MLLT10: variants seen among roughly 807,000 people sequenced by gnomAD.
MLLT10 encodes MLLT10 histone lysine methyltransferase DOT1L cofactor.
A neutral mutation model predicts 129.1 loss-of-function variants in MLLT10; 30 were observed. That is an observed-to-expected ratio of 0.23 (90% CI 0.17 to 0.32). The LOEUF (loss-of-function observed/expected upper bound fraction) is 0.32, where lower values mean the gene tolerates loss of function less well. MLLT10 is among the 10% of genes least tolerant of loss of function. The pLI is 1.00. For synonymous variants in MLLT10, 490 were observed against 446.4 expected, an observed-to-expected ratio of 1.10 and a Z score of -1.23; for missense variants, 1,119 against 1,268.3, an observed-to-expected ratio of 0.88 and a Z score of 1.79.
At chr10:21,701,209 CTT>C (rs78462656) in intron 13 of MLLT10, among the ~76,000 whole-genome samples, 6 of 148,326 alleles carry the variant, frequency 4.0e-5, no homozygotes, top group Admixed American at 3.4e-4. Flanking sequence ...GTTCTTACCT[CTT>C]TTTTTTGCCT....
intron 11 of MLLT10, 125 bp from the exon 12 acceptor site, chr10:21,681,207 T>C: frequency 8.3e-7 from 1 of 1,200,734 alleles, no homozygotes; most frequent in East Asian, 2.4e-5. Context: ...TTTTTGAAGT[T>C]CTAGGTGGCC....
At chr10:21,674,909 A>T (rs945298567) in intron 11 of MLLT10, among the ~76,000 whole-genome samples, 1 of 152,222 alleles carries the variant, frequency 6.6e-6, no homozygotes, top group East Asian at 1.9e-4. Context: ...TGTTTATTTT[A>T]TAAATACAAA....
intron 8 of MLLT10, among the ~76,000 whole-genome samples, chr10:21,640,294 TATATA>T (rs1269437273): frequency 7.0e-6 from 1 of 143,772 alleles, no homozygotes; most frequent in Non-Finnish European, 1.5e-5. Flanking sequence ...TAATATATAT[TATATA>T]ATATATATGT....
intron 21 of MLLT10, among the ~76,000 whole-genome samples, chr10:21,738,967 C>G (rs922847548): frequency 6.6e-6 from 1 of 152,162 alleles, no homozygotes; most frequent in Non-Finnish European, 1.5e-5. Context: ...GCTGCTCACT[C>G]AGTAGCTCCG....
At chr10:21,701,307 G>A (rs2054886090) in intron 13 of MLLT10, among the ~76,000 whole-genome samples, 1 of 147,070 alleles carries the variant, frequency 6.8e-6, no homozygotes, top group Admixed American at 6.7e-5. Flanking sequence ...TTTTTGAGAG[G>A]GAGAGGGGGT....
intron 3 of MLLT10, among the ~76,000 whole-genome samples, chr10:21,566,242 A>T (rs887740863): frequency 6.6e-6 from 1 of 151,406 alleles, no homozygotes; most frequent in Non-Finnish European, 1.5e-5. Context: ...GTTGTGAGCC[A>T]CTGTACCTAG....
At chr10:21,647,551 G>A (rs745943712) in intron 8 of MLLT10, among the ~76,000 whole-genome samples, 8 of 152,188 alleles carry the variant, frequency 5.3e-5, no homozygotes, top group Non-Finnish European at 1.2e-4. Flanking sequence ...GTATGCAAGT[G>A]CTCATTTCCC....
intron 8 of MLLT10, among the ~76,000 whole-genome samples, chr10:21,639,294 T>A (rs1331448749): frequency 6.6e-6 from 1 of 152,200 alleles, no homozygotes; most frequent in Non-Finnish European, 1.5e-5. Flanking sequence ...ACTATCCACC[T>A]GGAGATGGCA....
intron 3 of MLLT10, among the ~76,000 whole-genome samples, chr10:21,579,933 A>T (rs1256603647): frequency 6.6e-6 from 1 of 151,716 alleles, no homozygotes; most frequent in Non-Finnish European, 1.5e-5. Flanking sequence ...ATTTGTTGTT[A>T]TGAAGCTTGC....
intron 11 of MLLT10, among the ~76,000 whole-genome samples, chr10:21,678,719 T>G (rs2052439036): frequency 6.6e-6 from 1 of 152,210 alleles, no homozygotes; most frequent in African/African-American, 2.4e-5. Flanking sequence ...TAGTTACCAT[T>G]ATGAAAGAAT....
intron 4 of MLLT10, among the ~76,000 whole-genome samples, chr10:21,592,582 G>A (rs560497495): frequency 1.6e-4 from 24 of 151,984 alleles, no homozygotes; most frequent in African/African-American, 4.8e-4. Context: ...TCAGCCTCCC[G>A]CGTAGCTGGG....
chr10:21,611,646 A>AT (rs985611624), intron 5 of MLLT10, among the ~76,000 whole-genome samples: 58 of 152,086 alleles, frequency 3.8e-4, no homozygotes, highest in Non-Finnish European at 2.1e-4. Context: ...ACCAGCCATG[A>AT]TTTTGAGCTG....
intron 3 of MLLT10, among the ~76,000 whole-genome samples, chr10:21,541,784 G>A (rs558407830): frequency 6.6e-6 from 1 of 152,164 alleles, no homozygotes; most frequent in Non-Finnish European, 1.5e-5. Context: ...AAAGTGGTGG[G>A]ATTACAGGTG....
At chr10:21,636,555 G>A (rs1160456147) in intron 8 of MLLT10, among the ~76,000 whole-genome samples, 10 of 151,354 alleles carry the variant, frequency 6.6e-5, no homozygotes. Flanking sequence ...CTTTTATAGT[G>A]CCTAATATGA....
At chr10:21,547,079 A>G (rs1200318814) in intron 3 of MLLT10, among the ~76,000 whole-genome samples, 1 of 152,090 alleles carries the variant, frequency 6.6e-6, no homozygotes, top group East Asian at 1.9e-4. Context: ...CATGTTGGCC[A>G]GGCTGGTCTC....
chr10:21,627,644 A>G (rs761068040), intron 8 of MLLT10, among the ~76,000 whole-genome samples: 1 of 152,112 alleles, frequency 6.6e-6, no homozygotes, highest in Non-Finnish European at 1.5e-5. Context: ...GTTTGTAGCC[A>G]TACTCTTTTT....
intron 3 of MLLT10, among the ~76,000 whole-genome samples, chr10:21,584,189 G>A (rs1213441452): frequency 9.1e-6 from 1 of 110,196 alleles, no homozygotes; most frequent in Non-Finnish European, 1.9e-5. Flanking sequence ...TTGAGATGGA[G>A]TTTTGCTCTT....
intron 8 of MLLT10, among the ~76,000 whole-genome samples, chr10:21,620,368 T>G (rs1340754257): frequency 1.3e-5 from 2 of 152,182 alleles, no homozygotes; most frequent in Non-Finnish European, 2.9e-5. Context: ...TTTGAAATGG[T>G]TTGAATTACG....
At chr10:21,610,450 A>G (rs112777484) in intron 5 of MLLT10, among the ~76,000 whole-genome samples, 4,273 of 152,230 alleles carry the variant, frequency 0.028, 201 homozygotes, top group African/African-American at 0.096. Flanking sequence ...TGTGACTTAA[A>G]TGCTATAGAC....
Sources: allele counts gnomAD v4.1 joint callset (sites outside exome capture counted in the v4.1 genomes callset), GRCh38; gene constraint gnomAD v4.1.1; transcripts MANE v1.5; gene names NCBI Gene and HGNC (gene_info 2026-07-23, HGNC 2026-07-21).